Variants in SCFD1 observed in about 807,000 individuals in gnomAD.
SCFD1 encodes sec1 family domain-containing protein 1.
Under a neutral mutation model 103.2 loss-of-function variants are expected in SCFD1, and 37 were observed. The observed-to-expected ratio is 0.36, with a 90% CI of 0.28 to 0.47. The LOEUF is 0.47. Ranked by LOEUF, SCFD1 falls within the 20% of genes least tolerant of loss-of-function variation. The probability of loss-of-function intolerance (pLI) is 1.00; values close to 1 mark genes in which losing one functional copy is unlikely to be tolerated. For missense variants in SCFD1, 639 were observed against 761.2 expected (o/e 0.84, Z 1.89); for synonymous variants, 264 against 245.0 (o/e 1.08, Z -0.73).
intron 23 of SCFD1, among the ~76,000 whole-genome samples, chr14:30,727,847 G>A (rs1229936409): frequency 1.3e-5 from 2 of 152,044 alleles, no homozygotes; most frequent in African/African-American, 4.8e-5. Flanking sequence ...ATGATGTTGA[G>A]GTGGATAACT....
chr14:30,680,477 C>A (rs1889385228), intron 14 of SCFD1, among the ~76,000 whole-genome samples: 1 of 152,224 alleles, frequency 6.6e-6, no homozygotes, highest in Non-Finnish European at 1.5e-5. Flanking sequence ...TTAAGACCAT[C>A]TACCAAAGCC....
chr14:30,731,501 A>ATTTG (rs940795302), intron 23 of SCFD1, among the ~76,000 whole-genome samples: 5 of 152,158 alleles, frequency 3.3e-5, no homozygotes, highest in Non-Finnish European at 7.3e-5. Context: ...ATGTTCTTCC[A>ATTTG]TTTGTTTGTG....
At chr14:30,656,781 G>A (rs1436430248) in intron 10 of SCFD1, among the ~76,000 whole-genome samples, 2 of 152,104 alleles carry the variant, frequency 1.3e-5, no homozygotes, top group African/African-American at 4.8e-5. Context: ...GGCTCCAGGG[G>A]TTAGCCAGTT....
intron 10 of SCFD1, among the ~76,000 whole-genome samples, chr14:30,666,831 A>T (rs1035620800): frequency 2.6e-5 from 4 of 152,132 alleles, no homozygotes; most frequent in Non-Finnish European, 5.9e-5. Context: ...GGACACATAT[A>T]CCCTCCCAAG....
chr14:30,651,787 G>T (rs746371075), intron 9 of SCFD1, among the ~76,000 whole-genome samples: 2 of 152,154 alleles, frequency 1.3e-5, no homozygotes, highest in Non-Finnish European at 2.9e-5. Flanking sequence ...AACCTTGCTG[G>T]ACTATTGTTA....
chr14:30,622,435 A>C (rs1476527008), intron 1 of SCFD1, 36 bp downstream of exon 1: 1 of 1,549,420 alleles, frequency 6.5e-7, no homozygotes, highest in Non-Finnish European at 8.7e-7. Context: ...AAGCTTCGTG[A>C]CTGCCCCGAC....
intron 2 of SCFD1, 101 bp downstream of exon 2, chr14:30,628,380 T>A (rs1005387429): frequency 4.1e-5 from 29 of 699,486 alleles, no homozygotes; most frequent in Non-Finnish European, 5.6e-5. Flanking sequence ...TAACACATAT[T>A]AGTTATCATG....
intron 14 of SCFD1, chr14:30,683,482 G>A: frequency 2.6e-6 from 1 of 391,936 alleles, no homozygotes; most frequent in Admixed American, 3.1e-5. Flanking sequence ...CACATTATGA[G>A]TCATGAGCTC....
At chr14:30,706,014 T>C in intron 18 of SCFD1, 129 bp downstream of exon 18, 1 of 648,538 alleles carries the variant, frequency 1.5e-6, no homozygotes, top group Non-Finnish European at 2.6e-6. Context: ...GACATTTAGA[T>C]GGCTGAAGTT....
In SCFD1 at chr14:30,700,270, A is replaced by G. The variant is rs1272797070; in HGVS notation, c.1410+12A>G. 3 of 1,540,064 alleles carry G rather than the reference A, an allele frequency of 1.9e-6. No individual in the cohort carries two copies. The highest frequency in any genetic ancestry group is 2.3e-5 in the South Asian group (2 of 88,592). The stretch of plus-strand genomic sequence containing the variant: ...AAGCACCTTCTGAGGTATGTCCTTT[A>G]TTCAGTTATTGGGAGGAAGGGGAAT... On this transcript the variant is annotated intron_variant, in intron 16 of 24. Coordinates refer to ENST00000458591, the MANE Select transcript of SCFD1 (RefSeq NM_016106.4).
rs562603478 is a variant in SCFD1, at chr14:30,670,200, T to G, written c.856-56T>G. On this transcript the variant is annotated intron_variant, in intron 10 of 24. Transcript: ENST00000458591. Reference sequence around the variant, plus strand: ...GAAACATTAGAAAGGGCAACAAGATTCTATTTTTATTAGACTTAGAAAACA... The same window carrying G: ...GAAACATTAGAAAGGGCAACAAGATGCTATTTTTATTAGACTTAGAAAACA... 25 of 1,394,922 alleles carry G rather than the reference T, an allele frequency of 1.8e-5. No individual in the cohort carries two copies. The African/African-American group carries it at 3.6e-4, about 20-fold the overall frequency. 86.4% of individuals were successfully genotyped at this position (1,394,922 alleles called of 1,614,324 possible). A position where few individuals can be genotyped will look rare whatever the true frequency, so the allele number is the denominator to read the frequency against.
intron 14 of SCFD1, among the ~76,000 whole-genome samples, chr14:30,679,544 A>G (rs547973553): frequency 6.6e-6 from 1 of 152,340 alleles, no homozygotes; most frequent in East Asian, 1.9e-4. Flanking sequence ...TATGCAAGAA[A>G]GAAAAAAAAT....
At chr14:30,683,665 C>A (rs894564751) in intron 14 of SCFD1, 2 of 208,896 alleles carry the variant, frequency 9.6e-6, no homozygotes, top group African/African-American at 4.8e-5. Flanking sequence ...GTATACTTTC[C>A]TATAGATATT....
chr14:30,733,125 TTAGCCTCCTGGG>T (rs1893598863), intron 23 of SCFD1, among the ~76,000 whole-genome samples: 1 of 152,028 alleles, frequency 6.6e-6, no homozygotes. Context: ...TTCTCCTGCC[TTAGCCTCCTGGG>T]TAGCTGGGAT....
chr14:30,643,763 G>C (rs770503630), intron 7 of SCFD1: 8 of 285,608 alleles, frequency 2.8e-5, no homozygotes, highest in Non-Finnish European at 4.0e-5. Flanking sequence ...ATAAATGTTT[G>C]GTAACTATTA....
Position 30,708,058 on chromosome 14 carries a change from A to G in SCFD1, c.1622A>G (p.Lys541Arg). The change falls in exon 19 of 25, where the codon AAA becomes AGA. Residue 541 changes from lysine (K) to arginine (R), a missense_variant. By Grantham distance (26) the Lys-to-Arg change is conservative (BLOSUM62 2). Coordinates refer to ENST00000458591, the MANE Select transcript of SCFD1 (RefSeq NM_016106.4). Reference protein sequence around the residue: ...VMEGVKNLVLKQQNLPVTRIL... With the variant: ...VMEGVKNLVLRQQNLPVTRIL... Reference sequence around the variant, plus strand: ...GAAGGAGTGAAGAACCTGGTTTTGAAACAGCAAGTAAGTACACTTGTTAGA... The same window carrying G: ...GAAGGAGTGAAGAACCTGGTTTTGAGACAGCAAGTAAGTACACTTGTTAGA... 1 of 1,600,934 alleles carries G rather than the reference A, an allele frequency of 6.2e-7. No individual in the cohort carries two copies. The highest frequency in any genetic ancestry group is 8.6e-7 in the Non-Finnish European group (1 of 1,168,102).
chr14:30,724,743 G>T (rs757674696), intron 23 of SCFD1, among the ~76,000 whole-genome samples: 2 of 152,118 alleles, frequency 1.3e-5, no homozygotes, highest in Non-Finnish European at 2.9e-5. Context: ...TGGTATCTTT[G>T]TCATGAAATC....
chr14:30,669,679 T>C (rs1419237660), intron 10 of SCFD1: 8 of 152,168 alleles, frequency 5.3e-5, no homozygotes, highest in Admixed American at 5.2e-4. Context: ...CACTTATTAT[T>C]ATAGCATCTA....
intron 1 of SCFD1, 47 bp downstream of exon 1, chr14:30,622,446 GA>G (rs778637449): frequency 1.3e-6 from 2 of 1,547,922 alleles, no homozygotes; most frequent in Non-Finnish European, 1.7e-6. Context: ...CTGCCCCGAC[GA>G]CATCCTTCTC....
Sources: allele counts gnomAD v4.1 joint callset (sites outside exome capture counted in the v4.1 genomes callset), GRCh38; gene constraint gnomAD v4.1.1; transcripts MANE v1.5; gene names NCBI Gene and HGNC (gene_info 2026-07-23, HGNC 2026-07-21).